RECQL4: variants seen among roughly 807,000 people sequenced by gnomAD.
RECQL4 encodes RecQ like helicase 4, also known as ATP-dependent DNA helicase Q4.
A neutral mutation model predicts 128.6 loss-of-function variants in RECQL4; 158 were observed. The ratio of observed to expected loss-of-function variants is 1.23; its 90% CI spans 1.08 to 1.40. The LOEUF is 1.40. RECQL4 is among the 40% of genes most tolerant of loss of function. RECQL4 has a pLI of 0.00. For synonymous variants in RECQL4, 996 were observed against 678.9 expected, an observed-to-expected ratio of 1.47 and a Z score of -7.26; for missense variants, 2,293 against 1,649.8, an observed-to-expected ratio of 1.39 and a Z score of -6.75.
Position 144,513,267 on chromosome 8 carries a change from G to T in RECQL4, c.2414C>A (p.Ala805Asp), listed in dbSNP as rs765894032. Residue 805 changes from alanine (A) to aspartate (D), a missense_variant, in exon 14 of 21, where the codon GCC becomes GAC. Coordinates refer to ENST00000617875, the MANE Select transcript of RECQL4 (RefSeq NM_004260.4). ...FESYVQAVGR[A>D]GRDGQPAHCH... The stretch of plus-strand genomic sequence containing the variant: ...GTGGGCAGGCTGCCCGTCACGCCCG[G>T]CCCGGCCCACGGCCTGCACGTAGCT... 6.3e-7 allele frequency: 1 copy of T among 1,594,226 alleles called. No homozygotes were observed. Among genetic ancestry groups the T allele is most frequent in the Non-Finnish European group, 8.5e-7 (1 of 1,176,878 alleles).
At position 144,512,884 on chromosome 8, in the gene RECQL4, T is replaced by A. The variant is rs1010167633; in HGVS notation, c.2718A>T (p.Ile906=). Residue 906 remains isoleucine (I), a synonymous_variant, in exon 15 of 21, where the codon ATA becomes ATT. Transcript: ENST00000617875. ...VCMGHERALP[I]QLTVQALDMP... ...TGTCCAAAGCCTGTACGGTAAGCTG[T>A]ATTGGGAGTGCCCGCTCATGGCCCA... The A allele has an allele frequency of 2.6e-5, 41 of 1,595,850 alleles. No homozygotes were observed. The highest frequency in any genetic ancestry group is 3.4e-5 in the Non-Finnish European group (40 of 1,171,390).
rs1050860620 is a variant in RECQL4 at position 144,515,987 on chromosome 8, C to A, written c.1131+1G>T. On this transcript the variant is annotated splice_donor_variant, in intron 5 of 20. Coordinates refer to ENST00000617875, the MANE Select transcript of RECQL4 (RefSeq NM_004260.4). LOFTEE classifies it high-confidence loss of function. ...CCTGTCCTGGCCCGTCGCTGTCTTA[C>A]CTGCTTGCGGAGGAGCCTGCTACGG... is the stretch of plus-strand genomic sequence containing the variant. 1 of 1,609,758 alleles carries A rather than the reference C, an allele frequency of 6.2e-7. No homozygotes were observed.
rs954589490 is a variant in RECQL4, at chr8:144,517,167, C to A, written c.237G>T (p.Gly79=). Reference sequence around the variant, plus strand: ...TGGTCGCAGCCCGATTCAGATGGGGCCCCCAGCAGCGGGGCTCTGGCGCCT... The same window carrying A: ...TGGTCGCAGCCCGATTCAGATGGGGACCCCAGCAGCGGGGCTCTGGCGCCT... ...AEEAPEPRCW[G]PHLNRAATKS... The change falls in exon 4 of 21, where the codon GGG becomes GGT. Residue 79 remains glycine, a synonymous_variant. Transcript: ENST00000617875. 18 of 1,604,720 alleles carry A rather than the reference C, an allele frequency of 1.1e-5. No homozygotes were observed. Among genetic ancestry groups the A allele is most frequent in the African/African-American group, 2.7e-5 (2 of 74,822 alleles).
chr8:144,517,104 G>C lies in RECQL4; in HGVS notation c.300C>G (p.Gly100=). ...PQSTPGRSRQ[G]SVPDYGQRLK... ...GCCGCTGCCCGTAGTCCGGCACCGA[G>C]CCCTGGCGGCTCCGCCCTGGCGTAG... Residue 100 remains glycine (G), a synonymous_variant, in exon 4 of 21, where the codon GGC becomes GGG. Transcript: ENST00000617875. The C allele has an allele frequency of 3.1e-6, 5 of 1,612,394 alleles. No individual in the cohort carries two copies. The highest frequency in any genetic ancestry group is 4.2e-6 in the Non-Finnish European group (5 of 1,179,742).
Position 144,516,136 on chromosome 8 carries a change from G to A in RECQL4, c.983C>T (p.Ala328Val), listed in dbSNP as rs777258662. 1 of 1,613,198 alleles carries A rather than the reference G, an allele frequency of 6.2e-7. No homozygotes were observed. The highest frequency in any genetic ancestry group is 1.1e-5 in the South Asian group (1 of 91,090). Residue 328 changes from alanine (A) to valine (V), a missense_variant, in exon 5 of 21, where the codon GCT becomes GTT. Ala to Val is a moderately conservative substitution (Grantham distance 64). Coordinates refer to ENST00000617875, the MANE Select transcript of RECQL4 (RefSeq NM_004260.4). ...RYHGLSPSSQARAGKAEGTAP... is the reference protein window; with the variant it reads ...RYHGLSPSSQVRAGKAEGTAP... ...TGTGCCCTCAGCCTTCCCAGCCCTA[G>A]CTTGACTGGAGGGGCTGAGTCCGTG...
intron 6 of RECQL4, 55 bp downstream of exon 6, chr8:144,515,709 A>G: frequency 6.3e-7 from 1 of 1,594,296 alleles, no homozygotes; most frequent in Non-Finnish European, 8.6e-7. Context: ...CCAAAAGAGC[A>G]CTGCGCCCTC....
At position 144,515,988 on chromosome 8, in the gene RECQL4, C is replaced by A; in HGVS notation, c.1131G>T (p.Gln377His). 6.2e-7 allele frequency: 1 copy of A among 1,609,698 alleles called. No homozygotes were observed. The highest frequency in any genetic ancestry group is 8.5e-7 in the Non-Finnish European group (1 of 1,177,376). The part of the protein sequence containing the change: ...RALRSRLLRK[Q>H]AWKQKWRKKG... ...CTGTCCTGGCCCGTCGCTGTCTTAC[C>A]TGCTTGCGGAGGAGCCTGCTACGGA... Residue 377 changes from glutamine to histidine, a missense_variant and splice_region_variant, in exon 5 of 21, where the codon CAG becomes CAT. Transcript: ENST00000617875.
rs1828020843 is a variant in RECQL4 at position 144,515,462 on chromosome 8, G to A, written c.1259-5C>T. The A allele has an allele frequency of 1.9e-6, 3 of 1,612,620 alleles. No homozygotes were observed. The highest frequency in any genetic ancestry group is 2.5e-6 in the Non-Finnish European group (3 of 1,179,816). On this transcript the variant is annotated splice_region_variant and splice_polypyrimidine_tract_variant and intron_variant, in intron 6 of 20. Transcript: ENST00000617875. ...CATCTGTGTCTTCCTCACTTGCTGG[G>A]GCAGGCAGGAGAGGGTAGAATGGGA...
chr8:144,513,645 C>T lies in RECQL4; in HGVS notation c.2126G>A (p.Arg709Gln), dbSNP rs947223466. ...AGCGATCCGCTCTGTGTCCTCGCGC[C>T]GGTTGCAGTAAATGATAATGGAATC... is the stretch of plus-strand genomic sequence containing the variant. ...NLDSIIIYCNRREDTERIAAL... is the reference protein window; with the variant it reads ...NLDSIIIYCNQREDTERIAAL... The change falls in exon 13 of 21, where the codon CGG becomes CAG. Residue 709 changes from arginine to glutamine, a missense_variant. By Grantham distance (43) the Arg-to-Gln change is conservative. Coordinates refer to ENST00000617875, the MANE Select transcript of RECQL4 (RefSeq NM_004260.4). 1.6e-5 allele frequency: 25 copies of T among 1,582,542 alleles called. No individual in the cohort carries two copies. The highest frequency in any genetic ancestry group is 2.3e-5 in the East Asian group (1 of 43,238).
At position 144,512,853 on chromosome 8, in the gene RECQL4, C is replaced by G. The variant is rs377343487; in HGVS notation, c.2749G>C (p.Glu917Gln). 6.2e-7 allele frequency: 1 copy of G among 1,604,222 alleles called. No individual in the cohort carries two copies. The highest frequency in any genetic ancestry group is 1.1e-5 in the South Asian group (1 of 89,794). The stretch of plus-strand genomic sequence containing the variant: ...CTTACCCCAGGTTCCTCACCCTCCT[C>G]CGGCATGTCCAAAGCCTGTACGGTA... Reference protein sequence around the residue: ...QLTVQALDMPEEAIETLLCYL... With the variant: ...QLTVQALDMPQEAIETLLCYL... Residue 917 changes from glutamate (E) to glutamine (Q), a missense_variant, in exon 15 of 21, where the codon GAG becomes CAG. Glu to Gln is a conservative substitution (Grantham distance 29, BLOSUM62 2). Transcript: ENST00000617875.
Position 144,514,376 on chromosome 8 carries a change from G to A in RECQL4, c.1705-14C>T. 6 of 1,599,806 alleles carry A rather than the reference G, an allele frequency of 3.8e-6. No homozygotes were observed. Among genetic ancestry groups the A allele is most frequent in the South Asian group, 2.2e-5 (2 of 90,260 alleles). Reference sequence around the variant, plus strand: ...GGCTGCCCGAATCTGAAGGCAGCAAGATCAGAGGCACAGCCCAGGTGCCCG... The same window carrying A: ...GGCTGCCCGAATCTGAAGGCAGCAAAATCAGAGGCACAGCCCAGGTGCCCG... On this transcript the variant is annotated splice_polypyrimidine_tract_variant and intron_variant, in intron 10 of 20. Transcript: ENST00000617875.
In RECQL4 at chr8:144,511,516, C is replaced by T. The variant is rs370069034; in HGVS notation, c.3542G>A (p.Arg1181Gln). Residue 1181 changes from arginine (R) to glutamine (Q), a missense_variant, in exon 21 of 21, where the codon CGA (arginine) becomes CAA (glutamine). Coordinates refer to ENST00000617875, the MANE Select transcript of RECQL4 (RefSeq NM_004260.4). ...GTGCAGGTATTTTCTCCAGAAGCGT[C>T]GGTCCTGCCCGTACACCTGGGCCGG... ...CYPAQVYGQD[R>Q]RFWRKYLHLS... 109 of 1,612,456 alleles carry T rather than the reference C, an allele frequency of 6.8e-5. No individual in the cohort carries two copies. Among genetic ancestry groups the T allele is most frequent in the Non-Finnish European group, 9.0e-5 (106 of 1,179,790 alleles).
Position 144,514,312 on chromosome 8 carries a change from C to A in RECQL4, c.1755G>T (p.Val585=), listed in dbSNP as rs539370260. The A allele has an allele frequency of 5.2e-5, 84 of 1,609,724 alleles. No individual in the cohort carries two copies. Among genetic ancestry groups the A allele is most frequent in the Non-Finnish European group, 6.3e-5 (74 of 1,178,490 alleles). Reference sequence around the variant, plus strand: ...CGGCTGGAGGGAGGCCTCCCGCCCCCACCAGTGCCTCAGGTGTCAGCATCA... The same window carrying A: ...CGGCTGGAGGGAGGCCTCCCGCCCCAACCAGTGCCTCAGGTGTCAGCATCA... ...HVLMLTPEAL[V]GAGGLPPAAQ... The change falls in exon 11 of 21, where the codon GTG becomes GTT. Residue 585 remains valine (V), a synonymous_variant. Transcript: ENST00000617875.
intron 11 of RECQL4, 26 bp downstream of exon 11, chr8:144,514,163 C>T (rs1376370905): frequency 6.2e-7 from 1 of 1,611,562 alleles, no homozygotes; most frequent in Non-Finnish European, 8.5e-7. Context: ...GCCCTGGCCG[C>T]CCACCCCAGT....
intron 4 of RECQL4, 110 bp downstream of exon 4, chr8:144,516,940 G>A: frequency 6.8e-7 from 1 of 1,474,210 alleles, no homozygotes; most frequent in Non-Finnish European, 9.1e-7. Context: ...CTCGTGCCCT[G>A]GTTGGCACAG....
rs1827823634 is a variant in RECQL4 at position 144,514,252 on chromosome 8, A to G, written c.1815T>C (p.Asp605=). The G allele has an allele frequency of 1.2e-6, 2 of 1,612,142 alleles. No individual in the cohort carries two copies. The highest frequency in any genetic ancestry group is 1.1e-5 in the South Asian group (1 of 91,090). The part of the protein sequence containing the change: ...QLPPVAFACI[D]EAHCLSQWSH... ...ACCACTGGGAGAGGCAGTGGGCCTC[A>G]TCAATGCAGGCAAAAGCAACTGGAG... Residue 605 remains aspartate (D), a synonymous_variant, in exon 11 of 21, where the codon GAT becomes GAC. Coordinates refer to ENST00000617875, the MANE Select transcript of RECQL4 (RefSeq NM_004260.4).
Position 144,516,692 on chromosome 8 carries a change from G to A in RECQL4, c.427C>T (p.Pro143Ser), listed in dbSNP as rs1023001689. The A allele has an allele frequency of 1.3e-6, 2 of 1,561,768 alleles. No individual in the cohort carries two copies. Among genetic ancestry groups the A allele is most frequent in the South Asian group, 1.2e-5 (1 of 82,338 alleles). ...AAGGAGGGGACAGGCCCTGTACCTG[G>A]GGGCTTTGGGGTGGATGCCTTAGAT... ...ASSKASTPKP[P>S]GTGPVPSFAE... The change falls in exon 5 of 21, where the codon CCA becomes TCA. Residue 143 changes from proline to serine, a missense_variant. Pro to Ser is a moderately conservative substitution (Grantham distance 74). Transcript: ENST00000617875.
Position 144,511,405 on chromosome 8 carries a change from A to G in RECQL4, c.*26T>C, listed in dbSNP as rs749128177. 4 of 1,605,976 alleles carry G rather than the reference A, an allele frequency of 2.5e-6. No homozygotes were observed. In the South Asian group the frequency reaches 3.3e-5, roughly 13 times the overall value. On this transcript the variant is annotated 3_prime_UTR_variant, in exon 21 of 21. Coordinates refer to ENST00000617875, the MANE Select transcript of RECQL4 (RefSeq NM_004260.4). Reference sequence around the variant, plus strand: ...CCTAGCCTCTGACAACCCCAGCTCTACCCGACATCCCCCAATGCAGTGCAG... The same window carrying G: ...CCTAGCCTCTGACAACCCCAGCTCTGCCCGACATCCCCCAATGCAGTGCAG...
In RECQL4 at chr8:144,514,520, A is replaced by G. The variant is rs754134346; in HGVS notation, c.1626T>C (p.Ser542=). Residue 542 remains serine, a synonymous_variant, in exon 10 of 21, where the codon TCT becomes TCC. Coordinates refer to ENST00000617875, the MANE Select transcript of RECQL4 (RefSeq NM_004260.4). ...PLLSLMDDQV[S]GLPPCLKAAC... ...CCGCCTTGAGACACGGTGGCAGGCC[A>G]GACACCTGCAAATGCAGGAGCGACA... is the stretch of plus-strand genomic sequence containing the variant. 2.2e-5 allele frequency: 35 copies of G among 1,611,110 alleles called. No homozygotes were observed. Among genetic ancestry groups the G allele is most frequent in the Non-Finnish European group, 2.1e-5 (25 of 1,179,244 alleles).
Sources: allele counts gnomAD v4.1 joint callset, GRCh38; gene constraint gnomAD v4.1.1; transcripts MANE v1.5; gene names NCBI Gene and HGNC (gene_info 2026-07-23, HGNC 2026-07-21).